Variants in PTPRD observed in about 807,000 individuals in gnomAD.
The protein encoded by PTPRD is receptor-type tyrosine-protein phosphatase delta.
PTPRD carries 34 observed loss-of-function variants against 214.5 expected under a neutral mutation model. The ratio of observed to expected loss-of-function variants is 0.16; its 90% confidence interval spans 0.12 to 0.21. The LOEUF (loss-of-function observed/expected upper bound fraction) is 0.21. Among genes scored for constraint, PTPRD ranks in the 10% least tolerant of loss-of-function variants. PTPRD has a pLI of 1.00. For missense variants in PTPRD, 2,545 were observed against 2,398.7 expected, an observed-to-expected ratio of 1.06 and a Z score of -1.27; for synonymous variants, 1,128 against 845.7, an observed-to-expected ratio of 1.33 and a Z score of -5.79.
At chr9:9,548,192 T>A in intron 8 of PTPRD, among the ~76,000 whole-genome samples, 1 of 148,664 alleles carries the variant, frequency 6.7e-6, no homozygotes, top group African/African-American at 2.5e-5. Flanking sequence ...TCATTCCAAG[T>A]GAAGGAAGAA....
chr9:9,056,687 T>C (rs1310627408), intron 10 of PTPRD, among the ~76,000 whole-genome samples: 1 of 152,202 alleles, frequency 6.6e-6, no homozygotes, highest in African/African-American at 2.4e-5. Flanking sequence ...AAGGTTGTGC[T>C]TATAAGCCAT....
rs768898379 is a variant in PTPRD at position 8,331,660 on chromosome 9, C to A, written c.5456G>T (p.Gly1819Val). Residue 1819 changes from glycine to valine, a missense_variant, in exon 44 of 46, where the codon GGA (glycine) becomes GTA (valine). Gly to Val is a moderately radical substitution (Grantham distance 109, BLOSUM62 -3). Coordinates refer to ENST00000381196, the MANE Select transcript of PTPRD (RefSeq NM_002839.4). ...GACTTGGCCGATGAAGTCAATAAAT[C>A]CTTCTCCGGACTTTGGCACTCCTTG... Reference protein sequence around the residue: ...PEQGVPKSGEGFIDFIGQVHK... With the variant: ...PEQGVPKSGEVFIDFIGQVHK... 1.9e-6 allele frequency: 3 copies of A among 1,613,816 alleles called. No individual in the cohort carries two copies. The East Asian group carries it at 6.7e-5, about 36-fold the overall frequency.
intron 7 of PTPRD, among the ~76,000 whole-genome samples, chr9:9,686,525 T>G (rs2097169920): frequency 6.6e-6 from 1 of 151,528 alleles, no homozygotes. Flanking sequence ...CAGATAATAA[T>G]CTATGCTGAC....
At chr9:9,029,483 C>G (rs1488325175) in intron 10 of PTPRD, among the ~76,000 whole-genome samples, 2 of 123,654 alleles carry the variant, frequency 1.6e-5, no homozygotes, top group African/African-American at 3.1e-5. Flanking sequence ...TTTTTTGTGC[C>G]TAGCTACTTG....
At chr9:9,758,998 T>C (rs922085117) in intron 6 of PTPRD, among the ~76,000 whole-genome samples, 1 of 152,156 alleles carries the variant, frequency 6.6e-6, no homozygotes, top group African/African-American at 2.4e-5. Context: ...TGTCAGAGAA[T>C]GGAAGGTGGT....
chr9:8,829,578 T>A (rs987287265), intron 11 of PTPRD, among the ~76,000 whole-genome samples: 8 of 152,314 alleles, frequency 5.3e-5, no homozygotes, highest in Non-Finnish European at 4.4e-5. Context: ...TGGGTTAGAA[T>A]TTCTTGGTGA....
At chr9:10,145,222 T>C (rs192062522) in intron 3 of PTPRD, among the ~76,000 whole-genome samples, 13 of 152,240 alleles carry the variant, frequency 8.5e-5, no homozygotes, top group Admixed American at 8.5e-4. Flanking sequence ...AATTTCTTGA[T>C]GAAGCCACAT....
Position 8,376,721 on chromosome 9 carries a change from C to T in PTPRD, c.4392G>A (p.Lys1464=), listed in dbSNP as rs747217397. 1.2e-6 allele frequency: 2 copies of T among 1,612,728 alleles called. No individual in the cohort carries two copies. Among genetic ancestry groups the T allele is most frequent in the African/African-American group, 1.3e-5 (1 of 74,822 alleles). Residue 1464 remains lysine, a synonymous_variant, in exon 38 of 46, where the codon AAG becomes AAA. Transcript: ENST00000381196. ...CTCTGCTAGGCCAATACTGGTCACA[C>T]TTCACCTACAAGAAACAAGTGACAC... is the stretch of plus-strand genomic sequence containing the variant. ...MTKLEERSRV[K]CDQYWPSRGT...
intron 12 of PTPRD, chr9:8,713,287 G>A: frequency 1.4e-6 from 1 of 691,328 alleles, no homozygotes; most frequent in Admixed American, 2.3e-5. Context: ...TTTTGCGGGT[G>A]GCGGCGAGCG....
At chr9:9,903,596 T>C (rs1421595460) in intron 5 of PTPRD, among the ~76,000 whole-genome samples, 1 of 152,108 alleles carries the variant, frequency 6.6e-6, no homozygotes, top group Non-Finnish European at 1.5e-5. Context: ...TCTGTTAATA[T>C]TTACTGAAAG....
At chr9:10,026,194 C>A (rs80054465) in intron 4 of PTPRD, among the ~76,000 whole-genome samples, 1 of 152,182 alleles carries the variant, frequency 6.6e-6, no homozygotes, top group Non-Finnish European at 1.5e-5. Flanking sequence ...AGTTCTTTCA[C>A]CATGTCCCAA....
intron 3 of PTPRD, among the ~76,000 whole-genome samples, chr9:10,286,472 TAA>T (rs897270510): frequency 6.6e-6 from 1 of 151,602 alleles, no homozygotes; most frequent in Non-Finnish European, 1.5e-5. Context: ...AATTAAAAAT[TAA>T]AAAAAAATTA....
chr9:10,313,751 T>G (rs1012679808), intron 3 of PTPRD, among the ~76,000 whole-genome samples: 1 of 151,972 alleles, frequency 6.6e-6, no homozygotes, highest in Non-Finnish European at 1.5e-5. Flanking sequence ...CACTGTGTGT[T>G]GAATTCAGTC....
intron 8 of PTPRD, among the ~76,000 whole-genome samples, chr9:9,563,977 G>T (rs539843386): frequency 1.2e-4 from 19 of 152,222 alleles, no homozygotes; most frequent in Admixed American, 3.3e-4. Context: ...GGAAGTAAAA[G>T]ACATGTTGGC....
At chr9:9,979,722 G>T (rs1434430321) in intron 4 of PTPRD, among the ~76,000 whole-genome samples, 1 of 152,096 alleles carries the variant, frequency 6.6e-6, no homozygotes, top group East Asian at 1.9e-4. Flanking sequence ...TCTGACTAAA[G>T]ATTGCAACGA....
intron 11 of PTPRD, among the ~76,000 whole-genome samples, chr9:8,907,549 T>TATAC (rs1236413857): frequency 2.1e-5 from 3 of 142,264 alleles, no homozygotes; most frequent in Non-Finnish European, 4.6e-5. Context: ...TATATATATA[T>TATAC]ATATAAAGAA....
chr9:9,605,826 G>C (rs1321633325), intron 7 of PTPRD, among the ~76,000 whole-genome samples: 1 of 152,048 alleles, frequency 6.6e-6, no homozygotes, highest in Admixed American at 6.6e-5. Context: ...TTAGTTGTAA[G>C]AATGATTTGC....
chr9:9,806,671 C>T (rs2099075139), intron 5 of PTPRD, among the ~76,000 whole-genome samples: 1 of 152,134 alleles, frequency 6.6e-6, no homozygotes, highest in South Asian at 2.1e-4. Flanking sequence ...AAGAGCCTTG[C>T]TGCTCACACT....
intron 7 of PTPRD, among the ~76,000 whole-genome samples, chr9:9,607,926 C>T (rs538834045): frequency 6.6e-6 from 1 of 151,994 alleles, no homozygotes; most frequent in Admixed American, 6.6e-5. Flanking sequence ...ATACACCCAG[C>T]AGATCCTGCA....
Sources: gnomAD v4.1 joint callset for allele counts (sites outside exome capture counted in the v4.1 genomes callset) on GRCh38, gnomAD v4.1.1 for gene constraint, MANE v1.5 for transcripts, NCBI Gene and HGNC (gene_info 2026-07-23, HGNC 2026-07-21) for gene names.